Variants in METAP1D observed in about 807,000 individuals in gnomAD.
The protein encoded by METAP1D is methionine aminopeptidase 1D, mitochondrial.
In METAP1D, 31 loss-of-function variants were observed where a neutral mutation model predicts 40.5. That is an observed-to-expected ratio of 0.77 (90% CI 0.58 to 1.03). METAP1D has a LOEUF of 1.03. Ranked by LOEUF, METAP1D falls within the 50% of genes least tolerant of loss-of-function variation. METAP1D has a pLI of 0.00. For missense variants in METAP1D, 411 were observed against 420.7 expected (o/e 0.98, Z 0.20); for synonymous variants, 151 against 146.4 (o/e 1.03, Z -0.22).
At chr2:172,068,399 A>G (rs747557905) in intron 5 of METAP1D, among the ~76,000 whole-genome samples, 7 of 152,178 alleles carry the variant, frequency 4.6e-5, no homozygotes, top group Non-Finnish European at 8.8e-5. Context: ...GTCTCAAAAA[A>G]TAAATAAATA....
At chr2:172,055,466 CA>C (rs778160752) in intron 1 of METAP1D, among the ~76,000 whole-genome samples, 270 of 152,280 alleles carry the variant, frequency 1.8e-3, no homozygotes, top group Non-Finnish European at 3.0e-3. Context: ...GCTCACTCTG[CA>C]TTTAGAAAAT....
intron 1 of METAP1D, among the ~76,000 whole-genome samples, chr2:172,040,169 G>A (rs367892842): frequency 4.0e-5 from 6 of 151,634 alleles, no homozygotes; most frequent in African/African-American, 1.5e-4. Context: ...TGTTGGCCAG[G>A]CTGGTCTCGA....
At chr2:172,058,853 G>A (rs774634822) in intron 1 of METAP1D, among the ~76,000 whole-genome samples, 1 of 152,176 alleles carries the variant, frequency 6.6e-6, no homozygotes, top group African/African-American at 2.4e-5. Flanking sequence ...GATCATTGCG[G>A]TTTGTTTGCA....
At chr2:172,010,533 A>C (rs1688692776) in intron 1 of METAP1D, among the ~76,000 whole-genome samples, 2 of 116,396 alleles carry the variant, frequency 1.7e-5, no homozygotes, top group Non-Finnish European at 1.6e-5. Context: ...TCACTCTGTC[A>C]CGCAAGCTAG....
Position 172,063,626 on chromosome 2 carries a change from A to G in METAP1D, c.199-85A>G, listed in dbSNP as rs181995469. 1.1e-3 allele frequency: 1,137 copies of G among 1,046,060 alleles called. 8 individuals are homozygous for G. The highest frequency in any genetic ancestry group is 4.3e-4 in the Non-Finnish European group (293 of 688,384). The allele number at this position is 1,046,060 out of a possible 1,614,324, so 64.8% of individuals were successfully genotyped here. On this transcript the variant is annotated intron_variant, in intron 2 of 9. Transcript: ENST00000315796. ...GCTCCGGCAGGAAGGGCAGAGCTCC[A>G]TGAAGCAGGAGGCTGTGTCTGAAAA...
intron 6 of METAP1D, 29 bp downstream of exon 6, chr2:172,071,099 G>T: frequency 6.4e-7 from 1 of 1,572,042 alleles, no homozygotes; most frequent in Admixed American, 1.8e-5. Context: ...AGTAAAGGGA[G>T]GGTTGGCAAA....
intron 1 of METAP1D, among the ~76,000 whole-genome samples, chr2:172,030,927 C>T (rs1038498966): frequency 2.0e-5 from 3 of 152,008 alleles, no homozygotes; most frequent in Admixed American, 1.3e-4. Context: ...GAAGTAAAGA[C>T]TTTAGGTATG....
chr2:172,065,364 G>A (rs954916765), intron 3 of METAP1D, among the ~76,000 whole-genome samples: 4 of 152,138 alleles, frequency 2.6e-5, no homozygotes, highest in Non-Finnish European at 4.4e-5. Context: ...TTAGAGGATC[G>A]TAGGGTTTAA....
In METAP1D at chr2:172,016,275, C is replaced by CAA. The variant is rs1172458646; in HGVS notation, c.40+16291_40+16292dup. ...TGGGTGACAGAGTGAGACCCTGTCT[C>CAA]AAAAAAAAAAAAAAAAAAAAAAAAA... On this transcript the variant is annotated intron_variant, in intron 1 of 9. Coordinates refer to ENST00000315796, the MANE Select transcript of METAP1D (RefSeq NM_199227.3). Among the ~76,000 whole-genome samples, 30 of 9,724 alleles carry CAA rather than the reference C, an allele frequency of 3.1e-3. 5 individuals are homozygous for CAA. The highest frequency in any genetic ancestry group is 5.7e-3 in the African/African-American group (10 of 1,748). 6.4% of individuals were successfully genotyped at this position (9,724 alleles called of 152,430 possible). A position where few individuals can be genotyped will look rare whatever the true frequency, so the allele number is the denominator to read the frequency against.
chr2:172,058,852 G>A (rs907891698), intron 1 of METAP1D, among the ~76,000 whole-genome samples: 20 of 152,134 alleles, frequency 1.3e-4, no homozygotes, highest in Non-Finnish European at 2.6e-4. Context: ...TGATCATTGC[G>A]GTTTGTTTGC....
chr2:172,032,963 G>A (rs952382186), intron 1 of METAP1D, among the ~76,000 whole-genome samples: 9 of 152,100 alleles, frequency 5.9e-5, no homozygotes, highest in African/African-American at 2.2e-4. Flanking sequence ...GGAGGCTGAG[G>A]CAGGAGAATG....
intron 1 of METAP1D, among the ~76,000 whole-genome samples, chr2:172,011,550 C>T (rs1214273505): frequency 3.3e-5 from 5 of 152,182 alleles, no homozygotes; most frequent in Admixed American, 6.5e-5. Context: ...TCCCAAAGTG[C>T]TGGGATTACA....
intron 1 of METAP1D, among the ~76,000 whole-genome samples, chr2:172,038,528 A>G (rs1055768783): frequency 1.3e-5 from 2 of 152,178 alleles, no homozygotes; most frequent in African/African-American, 4.8e-5. Context: ...ACCGAGACCA[A>G]ATTTTAATTA....
At chr2:172,049,914 T>A (rs1490339593) in intron 1 of METAP1D, among the ~76,000 whole-genome samples, 1 of 152,200 alleles carries the variant, frequency 6.6e-6, no homozygotes, top group Non-Finnish European at 1.5e-5. Context: ...CTCCTACAGT[T>A]GTCAAAATAC....
Position 172,001,742 on chromosome 2 carries a change from G to T in METAP1D, c.40+1733G>T, listed in dbSNP as rs781508280. On this transcript the variant is annotated intron_variant, in intron 1 of 9. Transcript: ENST00000315796. ...TTTTGGACTGGTTGCATGAAGGAAT[G>T]GACATCAGCATGAGAGTGTAGCCTT... Among the ~76,000 whole-genome samples, 145 of 152,016 alleles carry T rather than the reference G, an allele frequency of 9.5e-4. 3 individuals are homozygous for T. The highest frequency in any genetic ancestry group is 2.8e-4 in the Non-Finnish European group (19 of 67,998).
chr2:172,042,172 TAC>T lies in METAP1D; in HGVS notation c.41-19324_41-19323del, dbSNP rs1689551517. 1.9e-5 allele frequency among the ~76,000 whole-genome samples: 2 copies of T among 104,702 alleles called. 1 individual carries two copies. Among genetic ancestry groups the T allele is most frequent in the East Asian group, 4.4e-4 (2 of 4,574 alleles). The allele number at this position is 104,702 out of a possible 152,430, so 68.7% of individuals were successfully genotyped here. A position where few individuals can be genotyped will look rare whatever the true frequency, so the allele number is the denominator to read the frequency against. On this transcript the variant is annotated intron_variant, in intron 1 of 9. Transcript: ENST00000315796. ...ATGTATGTGTACATGTGTACACATA[TAC>T]ATATGTATGTGTACATGTGTACACA...
At chr2:172,045,714 T>TGTGTGTGTGG (rs1689726020) in intron 1 of METAP1D, among the ~76,000 whole-genome samples, 1 of 87,426 alleles carries the variant, frequency 1.1e-5, no homozygotes, top group Non-Finnish European at 2.7e-5. Context: ...TGTGTGTGTG[T>TGTGTGTGTGG]GTGTGTGTGT....
chr2:172,065,820 T>A (rs879377702), intron 4 of METAP1D, 68 bp downstream of exon 4: 3 of 1,491,522 alleles, frequency 2.0e-6, no homozygotes, highest in African/African-American at 2.8e-5. Flanking sequence ...CTGTAACATA[T>A]GTTGAAAGAC....
In METAP1D at chr2:172,070,024, TTAGA is replaced by T. The variant is rs145585578; in HGVS notation, c.541-879_541-876del. 3.2e-3 allele frequency among the ~76,000 whole-genome samples: 481 copies of T among 152,244 alleles called. 1 individual carries two copies. The highest frequency in any genetic ancestry group is 5.1e-3 in the Non-Finnish European group (346 of 67,990). Reference sequence around the variant, plus strand: ...TGAGCAAGAGAAATGTGAAAAATAATTAGATAGGACAAATTTATGCAAAGTAGCA... The same window carrying T: ...TGAGCAAGAGAAATGTGAAAAATAATTAGGACAAATTTATGCAAAGTAGCA... On this transcript the variant is annotated intron_variant, in intron 5 of 9. Transcript: ENST00000315796.
Sources: allele counts gnomAD v4.1 joint callset (sites outside exome capture counted in the v4.1 genomes callset), GRCh38; gene constraint gnomAD v4.1.1; transcripts MANE v1.5; gene names NCBI Gene and HGNC (gene_info 2026-07-23, HGNC 2026-07-21).